CFAP54: variants seen among roughly 807,000 people sequenced by gnomAD.
CFAP54 encodes the protein cilia and flagella associated protein 54.
A neutral mutation model predicts 370.4 loss-of-function variants in CFAP54; 290 were observed. The observed-to-expected ratio is 0.78, with a 90% CI of 0.71 to 0.86. The LOEUF is 0.86. Ranked by LOEUF, CFAP54 falls within the 40% of genes least tolerant of loss-of-function variation. CFAP54 has a pLI of 0.00. For missense variants in CFAP54, 3,399 were observed against 3,528.7 expected, an observed-to-expected ratio of 0.96 and a Z score of 0.93; for synonymous variants, 1,206 against 1,236.5, an observed-to-expected ratio of 0.98 and a Z score of 0.52.
At chr12:96,641,774 C>T (rs1051845540) in intron 32 of CFAP54, among the ~76,000 whole-genome samples, 10 of 152,062 alleles carry the variant, frequency 6.6e-5, no homozygotes, top group Non-Finnish European at 7.4e-5. Context: ...TCATGTCCTT[C>T]GTAGGGACAT....
chr12:96,786,990 A>C (rs1958636339), intron 62 of CFAP54, 92 bp downstream of exon 62: 1 of 932,326 alleles, frequency 1.1e-6, no homozygotes, highest in South Asian at 1.8e-5. Flanking sequence ...CCATGCTGGC[A>C]CAGATTTCTA....
chr12:96,511,963 A>G (rs1234910642), intron 4 of CFAP54, among the ~76,000 whole-genome samples: 2 of 152,152 alleles, frequency 1.3e-5, no homozygotes, highest in Non-Finnish European at 2.9e-5. Context: ...TTGTATACAG[A>G]GAGAAGTATG....
intron 50 of CFAP54, among the ~76,000 whole-genome samples, chr12:96,728,049 G>C (rs934364057): frequency 2.0e-5 from 3 of 152,198 alleles, no homozygotes; most frequent in Non-Finnish European, 4.4e-5. Context: ...GAGATCCACT[G>C]TTAGTCTGAT....
At chr12:96,539,063 G>GTTTTTT (rs1565889464) in intron 13 of CFAP54, among the ~76,000 whole-genome samples, 26 of 102,374 alleles carry the variant, frequency 2.5e-4, no homozygotes, top group African/African-American at 8.6e-4. Context: ...GGCCTTTTCA[G>GTTTTTT]GTTTTTTTTT....
intron 5 of CFAP54, among the ~76,000 whole-genome samples, chr12:96,517,861 AC>A: frequency 6.6e-6 from 1 of 152,264 alleles, no homozygotes. Flanking sequence ...GGGGATATTT[AC>A]CCTGGACGAG....
intron 50 of CFAP54, among the ~76,000 whole-genome samples, chr12:96,728,213 A>T (rs1035041319): frequency 4.0e-5 from 6 of 151,716 alleles, no homozygotes; most frequent in African/African-American, 1.5e-4. Flanking sequence ...CCTGAATCTG[A>T]ATGTTGGCCT....
At position 96,651,645 on chromosome 12, in the gene CFAP54, T is replaced by A; in HGVS notation, c.4930T>A (p.Trp1644Arg). 1 of 1,614,184 alleles carries A rather than the reference T, an allele frequency of 6.2e-7. No individual in the cohort carries two copies. Among genetic ancestry groups the A allele is most frequent in the Non-Finnish European group, 8.5e-7 (1 of 1,180,026 alleles). The change falls in exon 36 of 68, where the codon TGG becomes AGG. Residue 1644 changes from tryptophan to arginine, a missense_variant. By Grantham distance (101) the Trp-to-Arg change is moderately radical. Transcript: ENST00000524981. ...TLLQNCCRALWNFTQELQILL... is the reference protein window; with the variant it reads ...TLLQNCCRALRNFTQELQILL... ...GCTTCAGAACTGCTGTCGGGCCTTA[T>A]GGAACTTTACTCAGGAACTACAAAT...
chr12:96,799,911 A>G (rs1475117599), intron 63 of CFAP54, among the ~76,000 whole-genome samples: 1 of 152,192 alleles, frequency 6.6e-6, no homozygotes, highest in East Asian at 1.9e-4. Context: ...TGAAACTTCC[A>G]TTTTATGATA....
chr12:96,691,315 G>A lies in CFAP54; in HGVS notation c.6264+5G>A. On this transcript the variant is annotated splice_donor_5th_base_variant and intron_variant, in intron 44 of 67. Coordinates refer to ENST00000524981, the MANE Select transcript of CFAP54 (RefSeq NM_001306084.2). The stretch of plus-strand genomic sequence containing the variant: ...TTTGTTAGGCAAAACCTAATAGTAA[G>A]TAATTTGTAAAATAAAAATTATATA... 2 of 1,560,748 alleles carry A rather than the reference G, an allele frequency of 1.3e-6. No homozygotes were observed. The highest frequency in any genetic ancestry group is 1.7e-6 in the Non-Finnish European group (2 of 1,156,796).
chr12:96,754,521 G>A (rs1234560663), intron 56 of CFAP54, among the ~76,000 whole-genome samples: 1 of 152,086 alleles, frequency 6.6e-6, no homozygotes, highest in East Asian at 1.9e-4. Flanking sequence ...CTGCAAGGTA[G>A]GCATGACAAA....
chr12:96,606,258 G>A (rs974496281), intron 26 of CFAP54, among the ~76,000 whole-genome samples: 1 of 152,206 alleles, frequency 6.6e-6, no homozygotes, highest in Non-Finnish European at 1.5e-5. Flanking sequence ...GACTATGCAA[G>A]TGAATAGACT....
chr12:96,869,498 A>G (rs894647023), intron 67 of CFAP54, among the ~76,000 whole-genome samples: 1 of 152,228 alleles, frequency 6.6e-6, no homozygotes, highest in Non-Finnish European at 1.5e-5. Context: ...TAGAGAAAAG[A>G]GAAACAGTTC....
At chr12:96,724,694 T>A (rs1005821166) in intron 50 of CFAP54, among the ~76,000 whole-genome samples, 2 of 152,232 alleles carry the variant, frequency 1.3e-5, no homozygotes, top group Non-Finnish European at 2.9e-5. Context: ...ATCCCATTTG[T>A]CAATTTTGGC....
chr12:96,625,620 G>A, intron 28 of CFAP54, 98 bp from the exon 29 acceptor site: 1 of 634,364 alleles, frequency 1.6e-6, no homozygotes, highest in African/African-American at 1.9e-5. Flanking sequence ...TTCCTGTTTT[G>A]TCATCTCTTT....
intron 64 of CFAP54, 100 bp downstream of exon 64, chr12:96,811,942 A>G: frequency 1.6e-6 from 1 of 628,896 alleles, no homozygotes; most frequent in South Asian, 2.3e-5. Flanking sequence ...AGACCTGCTA[A>G]AAGGCACTTC....
intron 39 of CFAP54, among the ~76,000 whole-genome samples, chr12:96,664,697 C>A (rs1344561): frequency 0.033 from 2,457 of 75,010 alleles, 87 homozygotes; most frequent in Middle Eastern, 0.058. Context: ...GGGTATATAT[C>A]TATATATATA....
At chr12:96,845,997 A>G (rs986626424) in intron 66 of CFAP54, among the ~76,000 whole-genome samples, 1 of 152,182 alleles carries the variant, frequency 6.6e-6, no homozygotes, top group Non-Finnish European at 1.5e-5. Flanking sequence ...CTCCATCATA[A>G]CAGTTAATTT....
rs180998826 is a variant in CFAP54, at chr12:96,549,087, C to T, written c.2154+1109C>T. Among the ~76,000 whole-genome samples, 724 of 152,244 alleles carry T rather than the reference C, an allele frequency of 4.8e-3. 8 individuals are homozygous for T. Among genetic ancestry groups the T allele is most frequent in the African/African-American group, 0.016 (649 of 41,540 alleles). ...GCCAGGATGGTCTCGATCTCCTGAC[C>T]TCGTGATCTGCCCACCTCGGCCTCC... On this transcript the variant is annotated intron_variant, in intron 15 of 67. Transcript: ENST00000524981.
At chr12:96,748,746 T>G (rs1958148492) in intron 55 of CFAP54, among the ~76,000 whole-genome samples, 1 of 152,194 alleles carries the variant, frequency 6.6e-6, no homozygotes, top group South Asian at 2.1e-4. Flanking sequence ...GGTAAGAAAT[T>G]TGTTCTTTCT....
Sources: allele counts gnomAD v4.1 joint callset (sites outside exome capture counted in the v4.1 genomes callset), GRCh38; gene constraint gnomAD v4.1.1; transcripts MANE v1.5; gene names NCBI Gene and HGNC (gene_info 2026-07-23, HGNC 2026-07-21).